The following TBCEL variants were observed in gnomAD, a reference collection of about 807,000 sequenced individuals.
The protein encoded by TBCEL is tubulin-specific chaperone cofactor E-like protein.
In TBCEL, 15 loss-of-function variants were observed where a neutral mutation model predicts 44.2. That is an observed-to-expected ratio of 0.34 (90% CI 0.23 to 0.52). The LOEUF (loss-of-function observed/expected upper bound fraction) is 0.52, where lower values mean the gene tolerates loss of function less well. Among genes scored for constraint, TBCEL ranks in the 20% least tolerant of loss-of-function variants. The pLI is 0.95. For missense variants in TBCEL, 319 were observed against 506.3 expected, an observed-to-expected ratio of 0.63 and a Z score of 3.55; for synonymous variants, 171 against 185.4, an observed-to-expected ratio of 0.92 and a Z score of 0.63.
chr11:121,042,314 T>G, intron 2 of TBCEL, among the ~76,000 whole-genome samples: 1 of 152,152 alleles, frequency 6.6e-6, no homozygotes, highest in Non-Finnish European at 1.5e-5. Context: ...GACAGGTTTT[T>G]TTGGTAATAG....
intron 8 of TBCEL, among the ~76,000 whole-genome samples, chr11:121,061,518 C>T (rs1282834791): frequency 6.6e-6 from 1 of 151,954 alleles, no homozygotes; most frequent in African/African-American, 2.4e-5. Flanking sequence ...ATAGAGTATA[C>T]TTACACAAAC....
At chr11:121,032,355 G>A (rs372420253) in intron 1 of TBCEL, among the ~76,000 whole-genome samples, 103 of 152,256 alleles carry the variant, frequency 6.8e-4, no homozygotes, top group African/African-American at 2.4e-3. Context: ...TTTATGTGAA[G>A]TTGCCATGAA....
At chr11:121,078,049 G>A (rs1042859877) in intron 8 of TBCEL, among the ~76,000 whole-genome samples, 27 of 151,720 alleles carry the variant, frequency 1.8e-4, no homozygotes, top group African/African-American at 6.1e-4. Flanking sequence ...TTTAGAATAT[G>A]GTCTTTCTTG....
intron 8 of TBCEL, among the ~76,000 whole-genome samples, chr11:121,082,119 A>G (rs557143221): frequency 6.6e-6 from 1 of 152,344 alleles, no homozygotes; most frequent in African/African-American, 2.4e-5. Flanking sequence ...TATTGCTGCT[A>G]TAACACATTA....
Position 121,060,078 on chromosome 11 carries a change from C to T in TBCEL, c.949C>T (p.Pro317Ser). Residue 317 changes from proline (P) to serine (S), a missense_variant, in exon 8 of 9, where the codon CCA becomes TCA. Pro to Ser is a moderately conservative substitution (Grantham distance 74). Transcript: ENST00000683345. ...TGTGGATGTTCCACAGGAAGAAGTG[C>T]CATTCAGGTAAAAAATTCCCCATTG... ...YYVDVPQEEV[P>S]FRYHELITKY... The T allele has an allele frequency of 6.2e-7, 1 of 1,608,938 alleles. No homozygotes were observed. The highest frequency in any genetic ancestry group is 8.5e-7 in the Non-Finnish European group (1 of 1,176,550).
At chr11:121,074,942 T>G (rs1179199493) in intron 8 of TBCEL, among the ~76,000 whole-genome samples, 1 of 152,090 alleles carries the variant, frequency 6.6e-6, no homozygotes, top group East Asian at 1.9e-4. Context: ...AATTGTAAAA[T>G]TTTGCAGAAC....
intron 8 of TBCEL, among the ~76,000 whole-genome samples, chr11:121,085,017 A>G (rs1307554113): frequency 6.7e-6 from 1 of 149,670 alleles, no homozygotes; most frequent in Non-Finnish European, 1.5e-5. Flanking sequence ...ATAAATATGC[A>G]TATATATATA....
At chr11:121,049,182 A>G (rs182754737) in intron 4 of TBCEL, among the ~76,000 whole-genome samples, 1 of 152,064 alleles carries the variant, frequency 6.6e-6, no homozygotes, top group East Asian at 1.9e-4. Context: ...GGATTAATCA[A>G]GACCTCTTGT....
intron 6 of TBCEL, among the ~76,000 whole-genome samples, chr11:121,056,043 T>C (rs143140764): frequency 6.6e-6 from 1 of 151,806 alleles, no homozygotes; most frequent in Non-Finnish European, 1.5e-5. Flanking sequence ...TGGTGTAAAT[T>C]CTACGGATTT....
chr11:121,056,509 G>A (rs1945623325), intron 6 of TBCEL, among the ~76,000 whole-genome samples: 2 of 151,780 alleles, frequency 1.3e-5, no homozygotes, highest in Admixed American at 1.3e-4. Context: ...TAAGGAGCAT[G>A]ACTGCTGGAT....
intron 2 of TBCEL, among the ~76,000 whole-genome samples, chr11:121,039,222 G>A (rs191124683): frequency 1.3e-5 from 2 of 152,316 alleles, no homozygotes; most frequent in East Asian, 1.9e-4. Flanking sequence ...AGTCTCTTGT[G>A]TTTGTTCATG....
intron 2 of TBCEL, among the ~76,000 whole-genome samples, chr11:121,042,739 A>G (rs1263658872): frequency 6.6e-6 from 1 of 152,154 alleles, no homozygotes; most frequent in African/African-American, 2.4e-5. Flanking sequence ...AGTCCAGTAG[A>G]TCATGGTCCT....
intron 8 of TBCEL, among the ~76,000 whole-genome samples, chr11:121,067,541 G>C (rs1945842559): frequency 6.6e-6 from 1 of 152,288 alleles, no homozygotes; most frequent in Admixed American, 6.5e-5. Flanking sequence ...TATTTACTTT[G>C]TGAAACAAGA....
At chr11:121,051,641 C>G (rs544997023) in intron 4 of TBCEL, among the ~76,000 whole-genome samples, 1 of 151,698 alleles carries the variant, frequency 6.6e-6, no homozygotes, top group African/African-American at 2.4e-5. Context: ...ACCATTTGAT[C>G]GCAAAAGGGA....
intron 8 of TBCEL, among the ~76,000 whole-genome samples, chr11:121,084,367 T>G (rs1000896069): frequency 6.6e-6 from 1 of 152,234 alleles, no homozygotes; most frequent in Non-Finnish European, 1.5e-5. Context: ...GAGCGCTGGT[T>G]TTTATATTCA....
chr11:121,065,518 TATA>T (rs1231785357), intron 8 of TBCEL, among the ~76,000 whole-genome samples: 2 of 152,220 alleles, frequency 1.3e-5, no homozygotes, highest in African/African-American at 4.8e-5. Flanking sequence ...TTAAGGGACT[TATA>T]ATTCAGCAAC....
chr11:121,037,249 A>G (rs1945247716), intron 2 of TBCEL, among the ~76,000 whole-genome samples: 1 of 152,232 alleles, frequency 6.6e-6, no homozygotes, highest in African/African-American at 2.4e-5. Flanking sequence ...TTTATCAGCT[A>G]CACTTATTTT....
At chr11:121,044,150 C>T (rs1052206667) in intron 2 of TBCEL, among the ~76,000 whole-genome samples, 9 of 152,176 alleles carry the variant, frequency 5.9e-5, no homozygotes, top group Middle Eastern at 3.4e-3. Context: ...TCTATTTATT[C>T]TACCAGTGAA....
intron 1 of TBCEL, among the ~76,000 whole-genome samples, chr11:121,026,368 T>C (rs2134866825): frequency 6.6e-6 from 1 of 152,354 alleles, no homozygotes; most frequent in East Asian, 1.9e-4. Context: ...AATGTTGTAA[T>C]GTTAAAGTCC....
Sources: allele counts gnomAD v4.1 joint callset (sites outside exome capture counted in the v4.1 genomes callset), GRCh38; gene constraint gnomAD v4.1.1; transcripts MANE v1.5; gene names NCBI Gene and HGNC (gene_info 2026-07-23, HGNC 2026-07-21).